The following MYO1H variants were observed in gnomAD, a reference collection of about 807,000 sequenced individuals.
MYO1H encodes unconventional myosin-Ih.
Under a neutral mutation model 149.3 loss-of-function variants are expected in MYO1H, and 118 were observed. The ratio of observed to expected loss-of-function variants is 0.79; its 90% confidence interval spans 0.68 to 0.92. The LOEUF is 0.92. Among genes scored for constraint, MYO1H ranks in the 40% least tolerant of loss-of-function variants. MYO1H has a pLI of 0.00. For synonymous variants in MYO1H, 447 were observed against 465.2 expected, an observed-to-expected ratio of 0.96 and a Z score of 0.50; for missense variants, 1,212 against 1,280.7, an observed-to-expected ratio of 0.95 and a Z score of 0.82.
At chr12:109,371,274 G>A (rs1212073837) in intron 1 of MYO1H, among the ~76,000 whole-genome samples, 2 of 143,136 alleles carry the variant, frequency 1.4e-5, no homozygotes, top group Non-Finnish European at 3.0e-5. Context: ...GGAGTACAGT[G>A]GTGCAGTTAT....
the MYO1H span, among the ~76,000 whole-genome samples, chr12:109,313,931 C>CT: frequency 1.3e-5 from 2 of 152,148 alleles, no homozygotes; most frequent in Admixed American, 1.3e-4. Flanking sequence ...TTTCCCCAGT[C>CT]TGGAGTGCAG....
At chr12:109,392,766 T>TATA (rs1175025659) in intron 2 of MYO1H, among the ~76,000 whole-genome samples, 1 of 152,020 alleles carries the variant, frequency 6.6e-6, no homozygotes, top group Non-Finnish European at 1.5e-5. Context: ...CTGCCTTTAT[T>TATA]GTTTGTACCC....
intron 21 of MYO1H, 95 bp from the exon 22 acceptor site, chr12:109,436,393 C>A: frequency 1.2e-6 from 1 of 808,694 alleles, no homozygotes; most frequent in South Asian, 1.5e-5. Flanking sequence ...ACTTTGATGC[C>A]CCCTTCCATC....
chr12:109,397,798 C>T lies in MYO1H; in HGVS notation c.556C>T (p.Gln186Ter). 4 of 1,609,206 alleles carry T rather than the reference C, an allele frequency of 2.5e-6. No homozygotes were observed. The highest frequency in any genetic ancestry group is 1.1e-5 in the South Asian group (1 of 90,250). ...CAGATTTGGGAAATACATGGATATACAATTTGATTTTCAGGTACACTGAAG... is the reference window on the plus strand; with the variant it reads ...CAGATTTGGGAAATACATGGATATATAATTTGATTTTCAGGTACACTGAAG... The change falls in exon 5 of 32, where the codon CAA becomes TAA. Residue 186 changes from glutamine to a stop codon, truncating the protein, a stop_gained. Coordinates refer to ENST00000310903, the Ensembl canonical transcript of MYO1H. LOFTEE classifies it high-confidence loss of function.
intron 22 of MYO1H, among the ~76,000 whole-genome samples, chr12:109,436,989 C>G (rs10850137): frequency 0.34 from 51,528 of 151,948 alleles, 9,031 homozygotes; most frequent in East Asian, 0.41. Context: ...CCTGTAGTCC[C>G]AGCTACTTGG....
chr12:109,401,236 C>T (rs1166049825), exon 6 of MYO1H: 3 of 1,613,276 alleles, frequency 1.9e-6, no homozygotes, highest in Admixed American at 1.7e-5. Context: ...ACCTGGGACT[C>T]GAGCGAGACC....
At chr12:109,389,249 C>T (rs77206771) in intron 2 of MYO1H, among the ~76,000 whole-genome samples, 2 of 152,092 alleles carry the variant, frequency 1.3e-5, no homozygotes, top group East Asian at 3.8e-4. Context: ...TGCAGAGAAG[C>T]GAGCCAATAC....
At chr12:109,396,605 T>C (rs568624738) in intron 4 of MYO1H, 23 bp downstream of exon 4, 1 of 1,588,026 alleles carries the variant, frequency 6.3e-7, no homozygotes, top group East Asian at 2.2e-5. Flanking sequence ...TGGGGACCAA[T>C]CGAAGGGAGT....
At chr12:109,313,361 C>A in the MYO1H span, among the ~76,000 whole-genome samples, 1 of 152,162 alleles carries the variant, frequency 6.6e-6, no homozygotes, top group African/African-American at 2.4e-5. Flanking sequence ...ATGTACAGTT[C>A]CGTGGCACTG....
the MYO1H span, among the ~76,000 whole-genome samples, chr12:109,310,873 C>G: frequency 1.8e-4 from 27 of 152,270 alleles, no homozygotes; most frequent in Admixed American, 5.2e-4. Flanking sequence ...ATGAAACTTT[C>G]TCAGTTTTCA....
At chr12:109,439,635 A>T (rs1279637926) in exon 24 of MYO1H, 3 of 1,609,664 alleles carry the variant, frequency 1.9e-6, no homozygotes, top group Non-Finnish European at 2.5e-6. Context: ...TTTTAGGTTC[A>T]TTAAAGGATT....
chr12:109,427,675 C>A (rs1871410472), intron 19 of MYO1H, 89 bp downstream of exon 19: 4 of 902,870 alleles, frequency 4.4e-6, no homozygotes, highest in Non-Finnish European at 5.5e-6. Context: ...AAATGGCATC[C>A]CTTAGGAAGG....
chr12:109,411,816 C>G, intron 13 of MYO1H, 78 bp from the exon 14 acceptor site: 2 of 1,021,126 alleles, frequency 2.0e-6, no homozygotes, highest in Non-Finnish European at 2.9e-6. Flanking sequence ...ACTTTCTGTT[C>G]CAGCTGGTGA....
chr12:109,422,466 C>T (rs780179296), intron 16 of MYO1H, among the ~76,000 whole-genome samples: 5 of 152,284 alleles, frequency 3.3e-5, no homozygotes, highest in African/African-American at 7.2e-5. Flanking sequence ...TGCTGCTGTC[C>T]GCCTCATGGA....
At chr12:109,318,984 T>TTTTTTTG in the MYO1H span, among the ~76,000 whole-genome samples, 2 of 145,314 alleles carry the variant, frequency 1.4e-5, no homozygotes, top group African/African-American at 5.1e-5. Flanking sequence ...TTTTTTTTTT[T>TTTTTTTG]TTTTTTTTTT....
At chr12:109,310,510 G>C in the MYO1H span, among the ~76,000 whole-genome samples, 1 of 152,226 alleles carries the variant, frequency 6.6e-6, no homozygotes. Flanking sequence ...CCCCCACCGA[G>C]TGAGGCTCAG....
At chr12:109,368,533 T>G (rs933848725) in intron 1 of MYO1H, among the ~76,000 whole-genome samples, 2 of 151,248 alleles carry the variant, frequency 1.3e-5, no homozygotes, top group Admixed American at 1.3e-4. Flanking sequence ...GCACACACCT[T>G]TAATCCCAGC....
rs367875043 is a variant in MYO1H at position 109,435,190 on chromosome 12, C to T, written c.2140+77C>T. The T allele has an allele frequency of 8.3e-6, 8 of 961,896 alleles. No homozygotes were observed. In the East Asian group the frequency reaches 9.8e-5, roughly 12 times the overall value. The allele number at this position is 961,896 out of a possible 1,614,324, so 59.6% of individuals were successfully genotyped here. ...GGAGCTTGGGGGTAAATCTTAAACA[C>T]GGGTGTTTGATATAGTGTTAGAAGC... On this transcript the variant is annotated intron_variant, in intron 21 of 31. Coordinates refer to ENST00000310903, the Ensembl canonical transcript of MYO1H.
chr12:109,435,104 C>T (rs34725387), exon 21 of MYO1H: 117,571 of 1,596,046 alleles, frequency 0.074, 5,981 homozygotes, highest in South Asian at 0.22. Flanking sequence ...ATTTAGTAAA[C>T]ATCAACTAGG....
Sources: gnomAD v4.1 joint callset for allele counts (sites outside exome capture counted in the v4.1 genomes callset) on GRCh38, gnomAD v4.1.1 for gene constraint, MANE v1.5 for transcripts, NCBI Gene and HGNC (gene_info 2026-07-23, HGNC 2026-07-21) for gene names.